Variants in TBC1D2 observed in about 807,000 individuals in gnomAD.
TBC1D2 encodes the protein TBC1 domain family member 2, also known as TBC1 domain family member 2A.
Under a neutral mutation model 91.1 loss-of-function variants are expected in TBC1D2, and 58 were observed. The ratio of observed to expected loss-of-function variants is 0.64; its 90% CI spans 0.52 to 0.79. The LOEUF (loss-of-function observed/expected upper bound fraction) is 0.79, where lower values mean the gene tolerates loss of function less well. TBC1D2 is among the 30% of genes least tolerant of loss of function. The pLI is 0.00. For missense variants in TBC1D2, 1,080 were observed against 1,208.3 expected, an observed-to-expected ratio of 0.89 and a Z score of 1.57; for synonymous variants, 482 against 511.5, an observed-to-expected ratio of 0.94 and a Z score of 0.78.
intron 6 of TBC1D2, among the ~76,000 whole-genome samples, chr9:98,218,584 A>T (rs1027129203): frequency 3.9e-5 from 6 of 152,128 alleles, no homozygotes; most frequent in Non-Finnish European, 8.8e-5. Context: ...AAAAATAAAA[A>T]AAAATAAAAT....
chr9:98,208,670 G>C lies in TBC1D2; in HGVS notation c.2148C>G (p.Asn716Lys). The stretch of plus-strand genomic sequence containing the variant: ...TTCACTGGGCTTTGGTGGCTTACCT[G>C]TTCAGGCCCTGGCAGTAGCCGATGG... Reference protein sequence around the residue: ...NPTIGYCQGLNRLAAIALLVL... With the variant: ...NPTIGYCQGLKRLAAIALLVL... The change falls in exon 9 of 13, where the codon AAC becomes AAG. Residue 716 changes from asparagine (N) to lysine (K), a missense_variant and splice_region_variant. Coordinates refer to ENST00000465784, the MANE Select transcript of TBC1D2 (RefSeq NM_001267571.2). 6.6e-7 allele frequency: 1 copy of C among 1,524,178 alleles called. No homozygotes were observed. The highest frequency in any genetic ancestry group is 8.8e-7 in the Non-Finnish European group (1 of 1,134,340). The allele number at this position is 1,524,178 out of a possible 1,614,324, so 94.4% of individuals were successfully genotyped here. A position where few individuals can be genotyped will look rare whatever the true frequency, so the allele number is the denominator to read the frequency against.
At chr9:98,200,976 A>C (rs1324847255) in intron 11 of TBC1D2, among the ~76,000 whole-genome samples, 1 of 151,670 alleles carries the variant, frequency 6.6e-6, no homozygotes, top group Non-Finnish European at 1.5e-5. Context: ...AGATCGTGCC[A>C]CTGCACTACA....
intron 12 of TBC1D2, 32 bp from the exon 13 acceptor site, chr9:98,199,620 G>A (rs1828431477): frequency 5.6e-6 from 9 of 1,610,176 alleles, no homozygotes; most frequent in East Asian, 4.5e-5. Context: ...CCCAGAGCAC[G>A]TCACCCCACC....
chr9:98,201,087 C>T (rs1052982801), intron 11 of TBC1D2, among the ~76,000 whole-genome samples: 1 of 151,680 alleles, frequency 6.6e-6, no homozygotes, highest in South Asian at 2.1e-4. Context: ...TAAACTAGGG[C>T]TGAGTTGGGG....
At chr9:98,231,488 T>C (rs1430369183) in intron 4 of TBC1D2, among the ~76,000 whole-genome samples, 1 of 152,160 alleles carries the variant, frequency 6.6e-6, no homozygotes, top group Non-Finnish European at 1.5e-5. Context: ...TTTAACACAG[T>C]GTTGAGATAT....
At chr9:98,244,374 C>A (rs1294249372) in intron 2 of TBC1D2, among the ~76,000 whole-genome samples, 1 of 152,070 alleles carries the variant, frequency 6.6e-6, no homozygotes, top group African/African-American at 2.4e-5. Flanking sequence ...AATATGCAGA[C>A]CTGGCTGGGA....
chr9:98,208,177 C>G (rs147766750), intron 9 of TBC1D2, among the ~76,000 whole-genome samples: 75 of 152,214 alleles, frequency 4.9e-4, no homozygotes, highest in Non-Finnish European at 7.3e-4. Context: ...GAGCTCTGAG[C>G]TCTGGCCCAT....
intron 3 of TBC1D2, among the ~76,000 whole-genome samples, chr9:98,237,572 T>A (rs1180900102): frequency 6.6e-6 from 1 of 151,332 alleles, no homozygotes; most frequent in Non-Finnish European, 1.5e-5. Flanking sequence ...AGTGGCACGA[T>A]CTCGGCTCAC....
intron 12 of TBC1D2, among the ~76,000 whole-genome samples, 161 bp from the exon 13 acceptor site, chr9:98,199,749 G>A (rs1049439911): frequency 1.4e-4 from 21 of 152,198 alleles, no homozygotes; most frequent in African/African-American, 5.1e-4. Context: ...TCCACCCACA[G>A]AGATATGTAC....
At chr9:98,229,236 T>G in intron 4 of TBC1D2, 88 bp from the exon 5 acceptor site, 4 of 1,283,710 alleles carry the variant, frequency 3.1e-6, no homozygotes, top group Non-Finnish European at 4.4e-6. Flanking sequence ...CTGGAGGGCT[T>G]GTTAAAATGC....
At chr9:98,251,757 GC>G in intron 2 of TBC1D2, 27 bp downstream of exon 2, 1 of 1,545,198 alleles carries the variant, frequency 6.5e-7, no homozygotes, top group Non-Finnish European at 8.7e-7. Context: ...CCCTGGGTGT[GC>G]AGGCAGGAGG....
Position 98,220,928 on chromosome 9 carries a change from G to C in TBC1D2, c.1279C>G (p.Gln427Glu), listed in dbSNP as rs774682493. 3.7e-6 allele frequency: 6 copies of C among 1,614,044 alleles called. No homozygotes were observed. In the African/African-American group the frequency reaches 5.3e-5, roughly 14 times the overall value. The change falls in exon 6 of 13, where the codon CAG becomes GAG. Residue 427 changes from glutamine (Q) to glutamate (E), a missense_variant. Coordinates refer to ENST00000465784, the MANE Select transcript of TBC1D2 (RefSeq NM_001267571.2). ...TGGTCAGGGGGGTGCGTGAAGTCCT[G>C]GGTGACCTTCTCAGAGAGCTTGCAG... ...VICKLSEKVT[Q>E]DFTHPPDQSP...
intron 9 of TBC1D2, among the ~76,000 whole-genome samples, chr9:98,205,952 G>A (rs527711308): frequency 1.1e-4 from 16 of 152,078 alleles, no homozygotes; most frequent in Middle Eastern, 3.4e-3. Flanking sequence ...AAAAGAATAC[G>A]TTGCACTTGC....
At chr9:98,221,892 C>CT (rs1165121906) in intron 5 of TBC1D2, among the ~76,000 whole-genome samples, 9 of 152,268 alleles carry the variant, frequency 5.9e-5, no homozygotes, top group Middle Eastern at 3.4e-3. Flanking sequence ...ACACACCAGG[C>CT]TAATATTTGT....
At chr9:98,211,783 A>G (rs900206870) in intron 7 of TBC1D2, among the ~76,000 whole-genome samples, 3 of 145,692 alleles carry the variant, frequency 2.1e-5, no homozygotes, top group African/African-American at 7.6e-5. Context: ...CATCGTTAAC[A>G]CCTGTTTCAG....
In TBC1D2 at chr9:98,221,263, G is replaced by C. The variant is rs1447515214; in HGVS notation, c.979-35C>G. On this transcript the variant is annotated intron_variant, in intron 5 of 12. Coordinates refer to ENST00000465784, the MANE Select transcript of TBC1D2 (RefSeq NM_001267571.2). ...GAGAGGGAAGAATCTTGTGAGCTCA[G>C]GGAGGGCCTGCTGGGCGCCACAGTG... 2.0e-6 allele frequency: 3 copies of C among 1,499,824 alleles called. No homozygotes were observed. In the African/African-American group the frequency reaches 4.2e-5, roughly 21 times the overall value. 92.9% of individuals were successfully genotyped at this position (1,499,824 alleles called of 1,614,324 possible).
rs1186261589 is a variant in TBC1D2, at chr9:98,210,741, C to G, written c.1588G>C (p.Glu530Gln). ...TCCTGGACAAGCTGCCTCAGCAGCT[C>G]TGAGCACTCGCTGGCTTCGTCCCCC... ...ALGDEASECSELLRQLVQEAL... is the reference protein window; with the variant it reads ...ALGDEASECSQLLRQLVQEAL... Residue 530 changes from glutamate (E) to glutamine (Q), a missense_variant, in exon 8 of 13, where the codon GAG (glutamate) becomes CAG (glutamine). Transcript: ENST00000465784. The G allele has an allele frequency of 6.3e-7, 1 of 1,585,796 alleles. No individual in the cohort carries two copies. The highest frequency in any genetic ancestry group is 1.8e-5 in the Admixed American group (1 of 56,792).
intron 3 of TBC1D2, chr9:98,235,313 C>A (rs1829477804): frequency 7.4e-6 from 3 of 403,106 alleles, no homozygotes; most frequent in South Asian, 4.4e-5. Context: ...TGGTGCAGAT[C>A]GTGAGAAGAT....
In TBC1D2 at chr9:98,229,090, G is replaced by A. The variant is rs768288854; in HGVS notation, c.840C>T (p.Phe280=). The change falls in exon 5 of 13, where the codon TTC becomes TTT. Residue 280 remains phenylalanine (F), a synonymous_variant. Transcript: ENST00000465784. ...TGTTCTGGCGCTTGGCTTTCTGAGCGAAACTGATGGTCAGAGAAGGCTTGG... is the reference window on the plus strand; with the variant it reads ...TGTTCTGGCGCTTGGCTTTCTGAGCAAAACTGATGGTCAGAGAAGGCTTGG... ...PAPKPSLTIS[F]AQKAKRQNNT... The A allele has an allele frequency of 1.9e-5, 31 of 1,614,118 alleles. 1 individual carries two copies. The highest frequency in any genetic ancestry group is 3.3e-5 in the South Asian group (3 of 91,088).
Sources: gnomAD v4.1 joint callset for allele counts (sites outside exome capture counted in the v4.1 genomes callset) on GRCh38, gnomAD v4.1.1 for gene constraint, MANE v1.5 for transcripts, NCBI Gene and HGNC (gene_info 2026-07-23, HGNC 2026-07-21) for gene names.